Variants in AK5 observed in about 807,000 individuals in gnomAD.
AK5 encodes the protein adenylate kinase 5.
In AK5, 27 loss-of-function variants were observed where a neutral mutation model predicts 69.5. The ratio of observed to expected loss-of-function variants is 0.39; its 90% CI spans 0.29 to 0.54. The LOEUF (loss-of-function observed/expected upper bound fraction) is 0.54, where lower values mean the gene tolerates loss of function less well. AK5 is among the 20% of genes least tolerant of loss of function. AK5 has a pLI of 0.71. For missense variants in AK5, 531 were observed against 700.4 expected (o/e 0.76, Z 2.73); for synonymous variants, 260 against 244.4 (o/e 1.06, Z -0.60).
intron 10 of AK5, among the ~76,000 whole-genome samples, chr1:77,488,121 G>GA (rs1557629590): frequency 1.3e-5 from 2 of 152,118 alleles, no homozygotes; most frequent in South Asian, 2.1e-4. Flanking sequence ...GAGGCAAAGA[G>GA]AACAGTATGT....
At chr1:77,469,144 A>G (rs1211188535) in intron 8 of AK5, among the ~76,000 whole-genome samples, 1 of 152,094 alleles carries the variant, frequency 6.6e-6, no homozygotes, top group Non-Finnish European at 1.5e-5. Context: ...GGAGGGAGGG[A>G]GGGTTGGCTG....
intron 8 of AK5, among the ~76,000 whole-genome samples, chr1:77,475,503 T>TA (rs1654879012): frequency 1.4e-5 from 1 of 71,270 alleles, no homozygotes; most frequent in African/African-American, 5.5e-5. Context: ...CAAATATATA[T>TA]TATATATATA....
chr1:77,459,513 G>C (rs187563205), intron 8 of AK5, among the ~76,000 whole-genome samples: 41 of 152,244 alleles, frequency 2.7e-4, no homozygotes, highest in African/African-American at 9.4e-4. Flanking sequence ...AGGAGCATGA[G>C]AATCATCTAG....
intron 5 of AK5, among the ~76,000 whole-genome samples, chr1:77,315,621 G>A (rs1660205089): frequency 6.6e-6 from 1 of 152,066 alleles, no homozygotes; most frequent in Non-Finnish European, 1.5e-5. Flanking sequence ...TGATTGGATA[G>A]TGATACTTGA....
At chr1:77,508,491 C>A (rs1362501444) in intron 10 of AK5, among the ~76,000 whole-genome samples, 1 of 152,176 alleles carries the variant, frequency 6.6e-6, no homozygotes, top group Non-Finnish European at 1.5e-5. Context: ...GGCGTAAAAA[C>A]CTCTGCTCCA....
intron 8 of AK5, among the ~76,000 whole-genome samples, chr1:77,435,644 CAAAAA>C (rs1202203579): frequency 1.5e-5 from 1 of 66,076 alleles, no homozygotes. Context: ...GACTCTGTCT[CAAAAA>C]AAAAAAAAAA....
intron 12 of AK5, among the ~76,000 whole-genome samples, chr1:77,530,274 TG>T (rs1244737204): frequency 6.6e-6 from 1 of 152,174 alleles, no homozygotes; most frequent in African/African-American, 2.4e-5. Context: ...TAATGGTGTG[TG>T]GGGGGAGAAG....
intron 6 of AK5, among the ~76,000 whole-genome samples, chr1:77,387,637 T>C (rs1338469247): frequency 6.6e-6 from 1 of 152,196 alleles, no homozygotes; most frequent in Non-Finnish European, 1.5e-5. Context: ...ACCCCAATCA[T>C]ACTCCCAGGC....
chr1:77,500,230 A>G (rs921690635), intron 10 of AK5, among the ~76,000 whole-genome samples: 4 of 152,148 alleles, frequency 2.6e-5, no homozygotes, highest in Non-Finnish European at 5.9e-5. Flanking sequence ...TAAAGTCTTT[A>G]TGGCCCCTTC....
At chr1:77,462,159 A>G (rs933658624) in intron 8 of AK5, among the ~76,000 whole-genome samples, 7 of 152,360 alleles carry the variant, frequency 4.6e-5, no homozygotes, top group Middle Eastern at 3.4e-3. Context: ...AGGAGAGCCA[A>G]TGGTGTATAT....
At chr1:77,330,445 A>T (rs1004600136) in intron 5 of AK5, among the ~76,000 whole-genome samples, 1 of 148,078 alleles carries the variant, frequency 6.8e-6, no homozygotes, top group Non-Finnish European at 1.5e-5. Flanking sequence ...GTCCAGAGTC[A>T]TTGTTTTCCA....
In AK5 at chr1:77,500,402, T is replaced by C. The variant is rs886689701; in HGVS notation, c.1147+14050T>C. 2.0e-5 allele frequency among the ~76,000 whole-genome samples: 3 copies of C among 150,616 alleles called. No homozygotes were observed. The Admixed American group carries it at 2.0e-4, about 10-fold the overall frequency. On this transcript the variant is annotated intron_variant, in intron 10 of 13. Transcript: ENST00000354567. ...AAATACAAAACAGATAACAGTTATATTGATGATACAGGTCCCAAATGTCAC... is the reference window on the plus strand; with the variant it reads ...AAATACAAAACAGATAACAGTTATACTGATGATACAGGTCCCAAATGTCAC...
intron 8 of AK5, among the ~76,000 whole-genome samples, chr1:77,471,240 C>T (rs556837542): frequency 1.3e-4 from 20 of 152,058 alleles, no homozygotes; most frequent in Admixed American, 7.9e-4. Context: ...GACCTGAATT[C>T]GAACTCTATC....
intron 5 of AK5, among the ~76,000 whole-genome samples, chr1:77,334,351 A>C (rs915188627): frequency 6.6e-6 from 1 of 151,948 alleles, no homozygotes; most frequent in Non-Finnish European, 1.5e-5. Flanking sequence ...GTAATCTCTC[A>C]TTTCTTTTTT....
intron 10 of AK5, among the ~76,000 whole-genome samples, chr1:77,505,470 T>C (rs1416685069): frequency 2.6e-5 from 4 of 152,170 alleles, no homozygotes; most frequent in Non-Finnish European, 5.9e-5. Flanking sequence ...CAGTTACCTA[T>C]GGGGAGCGAA....
intron 4 of AK5, 36 bp from the exon 5 acceptor site, chr1:77,297,798 G>T (rs1345572136): frequency 1.2e-6 from 2 of 1,606,304 alleles, no homozygotes; most frequent in Non-Finnish European, 1.7e-6. Context: ...AAGTTTAACT[G>T]TGGGGTTTTT....
chr1:77,298,640 C>CA lies in AK5; in HGVS notation c.699+705dup, dbSNP rs35463751. ...GCAATATGACGAAACCCCATCTCTA[C>CA]AAAAAAAAAAAACCACACACACACA... On this transcript the variant is annotated intron_variant, in intron 5 of 13. Transcript: ENST00000354567. Among the ~76,000 whole-genome samples the CA allele has an allele frequency of 3.7e-3, 512 of 137,036 alleles. 1 individual carries two copies. The highest frequency in any genetic ancestry group is 5.7e-3 in the African/African-American group (210 of 36,832). The allele number at this position is 137,036 out of a possible 152,430, so 89.9% of individuals were successfully genotyped here. A position where few individuals can be genotyped will look rare whatever the true frequency, so the allele number is the denominator to read the frequency against.
intron 8 of AK5, among the ~76,000 whole-genome samples, 155 bp from the exon 9 acceptor site, chr1:77,483,162 C>G (rs1655375984): frequency 6.6e-6 from 1 of 152,090 alleles, no homozygotes; most frequent in Admixed American, 6.6e-5. Context: ...TTAGAATTCT[C>G]AGTGTCTTTG....
chr1:77,500,943 T>G (rs1656682535), intron 10 of AK5, among the ~76,000 whole-genome samples: 1 of 152,178 alleles, frequency 6.6e-6, no homozygotes, highest in African/African-American at 2.4e-5. Flanking sequence ...TTCATGCTTA[T>G]GAAAACTTCA....
Sources: gnomAD v4.1 joint callset for allele counts (sites outside exome capture counted in the v4.1 genomes callset) on GRCh38, gnomAD v4.1.1 for gene constraint, MANE v1.5 for transcripts, NCBI Gene and HGNC (gene_info 2026-07-23, HGNC 2026-07-21) for gene names.